Variants in EYS observed in about 807,000 individuals in gnomAD.
EYS encodes the protein protein eyes shut homolog.
Under a neutral mutation model 282.1 loss-of-function variants are expected in EYS, and 250 were observed. That is an observed-to-expected ratio of 0.89 (90% CI 0.80 to 0.98). The LOEUF (loss-of-function observed/expected upper bound fraction) is 0.98, where lower values mean the gene tolerates loss of function less well. Among genes scored for constraint, EYS ranks in the 50% least tolerant of loss-of-function variants. EYS has a pLI of 0.00. For synonymous variants in EYS, 1,355 were observed against 1,282.9 expected (o/e 1.06, Z -1.20); for missense variants, 4,016 against 3,709.0 (o/e 1.08, Z -2.15).
chr6:65,349,666 G>A (rs920957931), intron 9 of EYS, among the ~76,000 whole-genome samples: 2 of 151,318 alleles, frequency 1.3e-5, no homozygotes, highest in African/African-American at 2.4e-5. Flanking sequence ...CATGTTTGTG[G>A]TAAGTACACT....
chr6:65,198,407 C>A (rs1765821525), intron 12 of EYS, among the ~76,000 whole-genome samples: 1 of 152,080 alleles, frequency 6.6e-6, no homozygotes, highest in African/African-American at 2.4e-5. Flanking sequence ...ATACATAAGC[C>A]AGTCTCACAG....
chr6:64,038,311 C>T (rs1466792737), intron 33 of EYS, among the ~76,000 whole-genome samples: 1 of 151,974 alleles, frequency 6.6e-6, no homozygotes, highest in Non-Finnish European at 1.5e-5. Flanking sequence ...TAAGGAATGC[C>T]TACTAAATAT....
chr6:64,441,027 G>A (rs1228218057), intron 26 of EYS, among the ~76,000 whole-genome samples: 2 of 152,112 alleles, frequency 1.3e-5, no homozygotes, highest in Non-Finnish European at 2.9e-5. Context: ...AATTTACGAT[G>A]ACGCTTGGGT....
intron 26 of EYS, among the ~76,000 whole-genome samples, chr6:64,567,558 G>C: frequency 6.6e-6 from 1 of 152,236 alleles, no homozygotes; most frequent in Middle Eastern, 3.4e-3. Context: ...ATACTGGAAA[G>C]AATGAAGGAA....
chr6:63,806,087 C>T, intron 37 of EYS, 103 bp downstream of exon 37: 1 of 1,018,810 alleles, frequency 9.8e-7, no homozygotes, highest in East Asian at 2.6e-5. Flanking sequence ...TGCATCTAGG[C>T]AAAGGTCTTT....
chr6:65,650,789 A>G lies in EYS; in HGVS notation c.-447-10897T>C, dbSNP rs558257678. Among the ~76,000 whole-genome samples the G allele has an allele frequency of 2.0e-5, 3 of 152,216 alleles. No individual in the cohort carries two copies. In the East Asian group the frequency reaches 5.8e-4, roughly 29 times the overall value. ...CTGAGTGTCCTGCTTATACTCTCAC[A>G]TTTGCCCATCTACTAATCTCTATTA... On this transcript the variant is annotated intron_variant, in intron 1 of 42. Transcript: ENST00000503581.
rs933517700 is a variant in EYS, at chr6:64,967,691, C to G, written c.2260-21777G>C. On this transcript the variant is annotated intron_variant, in intron 14 of 42. Transcript: ENST00000503581. ...GCTCCCACTACACTGAGGATTAACA[C>G]TACTTTACAAATCTGTACTATAAAA... is the stretch of plus-strand genomic sequence containing the variant. Among the ~76,000 whole-genome samples the G allele has an allele frequency of 3.1e-4, 47 of 152,266 alleles. 1 individual carries two copies. The highest frequency in any genetic ancestry group is 1.1e-3 in the African/African-American group (46 of 41,542).
chr6:63,852,135 C>T lies in EYS; in HGVS notation c.7228+12051G>A, dbSNP rs1194872265. Among the ~76,000 whole-genome samples, 15 of 104,388 alleles carry T rather than the reference C, an allele frequency of 1.4e-4. 1 individual carries two copies. The highest frequency in any genetic ancestry group is 3.1e-4 in the East Asian group (1 of 3,186). The allele number at this position is 104,388 out of a possible 152,430, so 68.5% of individuals were successfully genotyped here. On this transcript the variant is annotated intron_variant, in intron 36 of 42. Transcript: ENST00000503581. ...TCCCGCCACTGCACTCCAGCCTGGG[C>T]GACAGAGCGAGACTCTGTCTCAAAA...
intron 35 of EYS, among the ~76,000 whole-genome samples, chr6:63,892,022 G>A (rs946770368): frequency 6.6e-6 from 1 of 152,120 alleles, no homozygotes; most frequent in East Asian, 1.9e-4. Context: ...CAACTTACAA[G>A]GGATGTGAAG....
chr6:64,462,566 G>A (rs547883135), intron 26 of EYS, among the ~76,000 whole-genome samples: 5 of 152,020 alleles, frequency 3.3e-5, no homozygotes, highest in East Asian at 1.9e-4. Context: ...ATCTAGTGTC[G>A]CCACTTCCTG....
At chr6:64,535,152 A>T (rs1386275608) in intron 26 of EYS, among the ~76,000 whole-genome samples, 2 of 151,910 alleles carry the variant, frequency 1.3e-5, no homozygotes, top group African/African-American at 2.4e-5. Context: ...CTTTCTTTGC[A>T]CTCTAAACTC....
chr6:64,706,686 C>G lies in EYS; in HGVS notation c.3444-80441G>C, dbSNP rs2149930200. ...TAGACAATTCTCTAAAGAAGATATA[C>G]AAATGGCCAACAAACATATAAAATA... On this transcript the variant is annotated intron_variant, in intron 22 of 42. Coordinates refer to ENST00000503581, the MANE Select transcript of EYS (RefSeq NM_001142800.2). Among the ~76,000 whole-genome samples, 2 of 152,190 alleles carry G rather than the reference C, an allele frequency of 1.3e-5. 1 individual carries two copies. Among genetic ancestry groups the G allele is most frequent in the South Asian group, 4.1e-4 (2 of 4,824 alleles).
chr6:64,325,549 G>C (rs1267619648), intron 29 of EYS, among the ~76,000 whole-genome samples: 3 of 152,118 alleles, frequency 2.0e-5, no homozygotes, highest in African/African-American at 7.2e-5. Context: ...ACCAGAAATA[G>C]TTCCAACCTA....
At chr6:64,983,974 T>C (rs1046775274) in intron 14 of EYS, among the ~76,000 whole-genome samples, 2 of 151,344 alleles carry the variant, frequency 1.3e-5, no homozygotes, top group Non-Finnish European at 1.5e-5. Flanking sequence ...AGTAGAGCGC[T>C]GTCTAAAGTA....
rs572829297 is a variant in EYS, at chr6:65,346,200, A to C, written c.1460-2023T>G. On this transcript the variant is annotated intron_variant, in intron 9 of 42. Coordinates refer to ENST00000503581, the MANE Select transcript of EYS (RefSeq NM_001142800.2). ...TCCAGTCATCATGGCCCATCCTTGT[A>C]TGGTCAGTTTCCAGTCAGCCTTCTT... Among the ~76,000 whole-genome samples the C allele has an allele frequency of 4.0e-5, 6 of 151,882 alleles. No homozygotes were observed. In the South Asian group the frequency reaches 1.2e-3, roughly 32 times the overall value.
intron 36 of EYS, among the ~76,000 whole-genome samples, chr6:63,844,244 G>A (rs1203270015): frequency 6.6e-6 from 1 of 152,048 alleles, no homozygotes; most frequent in East Asian, 1.9e-4. Flanking sequence ...TTTTCTCTAT[G>A]CAGTCTATCA....
At chr6:65,024,126 A>C (rs1488859565) in intron 13 of EYS, among the ~76,000 whole-genome samples, 1 of 152,180 alleles carries the variant, frequency 6.6e-6, no homozygotes, top group Non-Finnish European at 1.5e-5. Flanking sequence ...TAATTCATGT[A>C]AATCTGTAGC....
chr6:64,586,913 T>C (rs1766251820), intron 26 of EYS, among the ~76,000 whole-genome samples: 1 of 152,120 alleles, frequency 6.6e-6, no homozygotes, highest in Admixed American at 6.6e-5. Context: ...AATAGAGTTA[T>C]ATTGCTGTAG....
At chr6:65,301,431 G>T (rs1768821752) in intron 11 of EYS, among the ~76,000 whole-genome samples, 1 of 152,194 alleles carries the variant, frequency 6.6e-6, no homozygotes. Flanking sequence ...TACCGGCCGG[G>T]CCTTAGAGCG....
Sources: gnomAD v4.1 joint callset for allele counts (sites outside exome capture counted in the v4.1 genomes callset) on GRCh38, gnomAD v4.1.1 for gene constraint, MANE v1.5 for transcripts, NCBI Gene and HGNC (gene_info 2026-07-23, HGNC 2026-07-21) for gene names.